RTN1: variants seen among roughly 807,000 people sequenced by gnomAD.
The protein encoded by RTN1 is reticulon 1.
Under a neutral mutation model 65.5 loss-of-function variants are expected in RTN1, and 25 were observed. The ratio of observed to expected loss-of-function variants is 0.38; its 90% CI spans 0.28 to 0.53. The LOEUF (loss-of-function observed/expected upper bound fraction) is 0.53. Among genes scored for constraint, RTN1 ranks in the 20% least tolerant of loss-of-function variants. The probability of loss-of-function intolerance (pLI) is 0.79; values close to 1 mark genes in which losing one functional copy is unlikely to be tolerated. For synonymous variants in RTN1, 471 were observed against 447.6 expected, an observed-to-expected ratio of 1.05 and a Z score of -0.66; for missense variants, 983 against 1,025.4, an observed-to-expected ratio of 0.96 and a Z score of 0.57.
intron 3 of RTN1, among the ~76,000 whole-genome samples, chr14:59,723,268 T>A (rs1446343229): frequency 6.6e-6 from 1 of 151,988 alleles, no homozygotes; most frequent in Non-Finnish European, 1.5e-5. Flanking sequence ...AAGAAGACAG[T>A]CAGTTTCAAG....
At chr14:59,634,180 C>T (rs1882614512) in intron 3 of RTN1, among the ~76,000 whole-genome samples, 1 of 152,170 alleles carries the variant, frequency 6.6e-6, no homozygotes, top group Admixed American at 6.5e-5. Flanking sequence ...CCGGAGCAGA[C>T]ACCTAAAGGA....
intron 1 of RTN1, among the ~76,000 whole-genome samples, chr14:59,841,120 G>C (rs1346672257): frequency 6.6e-6 from 1 of 152,146 alleles, no homozygotes; most frequent in Non-Finnish European, 1.5e-5. Flanking sequence ...AGTGAAAAGT[G>C]CTGAATATCA....
At chr14:59,668,765 C>A (rs575435419) in intron 3 of RTN1, among the ~76,000 whole-genome samples, 52 of 152,088 alleles carry the variant, frequency 3.4e-4, no homozygotes, top group Non-Finnish European at 5.0e-4. Flanking sequence ...AAGAAAAAAA[C>A]CAAACAATCC....
chr14:59,739,240 G>T (rs1230039680), intron 2 of RTN1, among the ~76,000 whole-genome samples: 2 of 152,112 alleles, frequency 1.3e-5, no homozygotes, highest in East Asian at 1.9e-4. Context: ...GGGAGGGAAG[G>T]CCAGGTGCAG....
Position 59,727,355 on chromosome 14 carries a change from C to A in RTN1, c.1329G>T (p.Ser443=), listed in dbSNP as rs756584587. The change falls in exon 3 of 9, where the codon TCG becomes TCT. Residue 443 remains serine (S), a synonymous_variant. Coordinates refer to ENST00000267484, the MANE Select transcript of RTN1 (RefSeq NM_021136.3). This position sits in a 1 kb window ranked among gnomAD's most constrained non-coding sequence, Gnocchi z 4.2. ...TGTACTGGATGGATGGCGAGGCGGG[C>A]GAGGGCGGCGGGCCGCCCACGTGGC... ...SFGHVGGPPP[S]PASPSIQYSI... 5 of 1,506,740 alleles carry A rather than the reference C, an allele frequency of 3.3e-6. No individual in the cohort carries two copies. The highest frequency in any genetic ancestry group is 2.5e-5 in the East Asian group (1 of 40,558). The allele number at this position is 1,506,740 out of a possible 1,614,324, so 93.3% of individuals were successfully genotyped here. A position where few individuals can be genotyped will look rare whatever the true frequency, so the allele number is the denominator to read the frequency against.
At chr14:59,763,471 T>C (rs912062658) in intron 1 of RTN1, among the ~76,000 whole-genome samples, 1 of 151,884 alleles carries the variant, frequency 6.6e-6, no homozygotes, top group East Asian at 1.9e-4. Flanking sequence ...AAAAGGCCAA[T>C]AAATTACATG....
chr14:59,825,628 C>T lies in RTN1; in HGVS notation c.241+44762G>A, dbSNP rs1887017615. 1.3e-5 allele frequency among the ~76,000 whole-genome samples: 2 copies of T among 152,152 alleles called. No individual in the cohort carries two copies. Among genetic ancestry groups the T allele is most frequent in the Admixed American group, 6.5e-5 (1 of 15,288 alleles). On this transcript the variant is annotated intron_variant, in intron 1 of 8. Coordinates refer to ENST00000267484, the MANE Select transcript of RTN1 (RefSeq NM_021136.3). The surrounding 1 kb of genome is among the most constrained non-coding windows in gnomAD (Gnocchi z 4.2). ...GAAGCACCCCTGCTGGAAGGCCAGCCTAGTGCCACATCAAACCACGGAGTC... is the reference window on the plus strand; with the variant it reads ...GAAGCACCCCTGCTGGAAGGCCAGCTTAGTGCCACATCAAACCACGGAGTC...
intron 1 of RTN1, among the ~76,000 whole-genome samples, chr14:59,748,107 TCTTA>T (rs1885265754): frequency 6.6e-6 from 1 of 151,626 alleles, no homozygotes; most frequent in Non-Finnish European, 1.5e-5. Flanking sequence ...TCACCTAAGA[TCTTA>T]CAGGCAGTAA....
intron 3 of RTN1, among the ~76,000 whole-genome samples, chr14:59,612,074 G>A (rs1434198664): frequency 1.3e-5 from 2 of 152,174 alleles, no homozygotes; most frequent in Non-Finnish European, 2.9e-5. Flanking sequence ...AGGGACCAAA[G>A]GGAAAAAGTT....
At chr14:59,598,066 G>A (rs1881460198) in intron 8 of RTN1, among the ~76,000 whole-genome samples, 1 of 151,366 alleles carries the variant, frequency 6.6e-6, no homozygotes, top group Non-Finnish European at 1.5e-5. Context: ...GATCATGATG[G>A]TGGCTGTGTA....
At chr14:59,864,384 T>A (rs1887762184) in intron 1 of RTN1, among the ~76,000 whole-genome samples, 1 of 152,192 alleles carries the variant, frequency 6.6e-6, no homozygotes, top group Non-Finnish European at 1.5e-5. Context: ...TTGTGTCACT[T>A]CCTTCAAGTC....
At chr14:59,619,101 A>C (rs1882187037) in intron 3 of RTN1, among the ~76,000 whole-genome samples, 2 of 152,198 alleles carry the variant, frequency 1.3e-5, no homozygotes, top group African/African-American at 4.8e-5. Flanking sequence ...TTTGTTAAGG[A>C]GATGGGGTGG....
At chr14:59,831,098 T>G (rs1296900173) in intron 1 of RTN1, among the ~76,000 whole-genome samples, 1 of 152,098 alleles carries the variant, frequency 6.6e-6, no homozygotes, top group East Asian at 1.9e-4. Flanking sequence ...AAAAATCCAA[T>G]TCTCTTCATC....
In RTN1 at chr14:59,746,071, T is replaced by C. The variant is rs373651451; in HGVS notation, c.652A>G (p.Lys218Glu). 21 of 1,614,058 alleles carry C rather than the reference T, an allele frequency of 1.3e-5. No homozygotes were observed. The highest frequency in any genetic ancestry group is 2.7e-5 in the African/African-American group (2 of 74,904). ...TCTTTATTCTTAAAGTCCAAGTCTT[T>C]ATCTTCCAGCTCGGGGTGATGTTGT... ...QEQHHPELED[K>E]DLDFKNKDTD... Residue 218 changes from lysine to glutamate, a missense_variant, in exon 2 of 9, where the codon AAA (lysine) becomes GAA (glutamate). By Grantham distance (56) the Lys-to-Glu change is moderately conservative. Around this residue, in one of 2 missense-constraint regions of RTN1, gnomAD observed 818 missense variants for 801.8 expected, o/e 1.02. Coordinates refer to ENST00000267484, the MANE Select transcript of RTN1 (RefSeq NM_021136.3).
At chr14:59,716,001 A>G (rs1884526777) in intron 3 of RTN1, among the ~76,000 whole-genome samples, 1 of 152,234 alleles carries the variant, frequency 6.6e-6, no homozygotes, top group South Asian at 2.1e-4. Flanking sequence ...TTCAAGTATA[A>G]ATTGGCTAAG....
intron 2 of RTN1, among the ~76,000 whole-genome samples, chr14:59,738,013 A>G (rs1018437511): frequency 7.2e-5 from 11 of 152,240 alleles, no homozygotes; most frequent in Non-Finnish European, 2.9e-5. Flanking sequence ...AATCAACTAA[A>G]GATGGATTAA....
intron 4 of RTN1, 89 bp from the exon 5 acceptor site, chr14:59,605,595 T>C: frequency 1.4e-6 from 2 of 1,407,684 alleles, no homozygotes; most frequent in Non-Finnish European, 2.0e-6. Flanking sequence ...GCGTTCCTAC[T>C]CTCACTCTGA....
chr14:59,598,075 T>TAA (rs201536916), intron 8 of RTN1, among the ~76,000 whole-genome samples: 2 of 149,250 alleles, frequency 1.3e-5, no homozygotes, highest in Non-Finnish European at 3.0e-5. Flanking sequence ...GGTGGCTGTG[T>TAA]AAAAAAAAAA....
rs569960541 is a variant in RTN1, at chr14:59,797,114, T to C, written c.242-50633A>G. 2.0e-5 allele frequency among the ~76,000 whole-genome samples: 3 copies of C among 152,334 alleles called. No homozygotes were observed. The South Asian group carries it at 6.2e-4, about 32-fold the overall frequency. On this transcript the variant is annotated intron_variant, in intron 1 of 8. Coordinates refer to ENST00000267484, the MANE Select transcript of RTN1 (RefSeq NM_021136.3). ...AATTAATATAAGCTCTTTGCTTCCA[T>C]GGATGATTCCTTTGGAAGATTTATT...
Sources: allele counts gnomAD v4.1 joint callset (sites outside exome capture counted in the v4.1 genomes callset), GRCh38; gene constraint gnomAD v4.1.1; regional missense constraint gnomAD v4.1.1; non-coding constraint Gnocchi (gnomAD v3.1); transcripts MANE v1.5; gene names NCBI Gene and HGNC (gene_info 2026-07-23, HGNC 2026-07-21).